MAGI2: variants seen among roughly 807,000 people sequenced by gnomAD.
The protein encoded by MAGI2 is membrane associated guanylate kinase, WW and PDZ domain containing 2, also known as membrane-associated guanylate kinase, WW and PDZ domain-containing protein 2.
A neutral mutation model predicts 133.3 loss-of-function variants in MAGI2; 35 were observed. That is an observed-to-expected ratio of 0.26 (90% CI 0.20 to 0.35). The LOEUF (loss-of-function observed/expected upper bound fraction) is 0.35. MAGI2 is among the 10% of genes least tolerant of loss of function. MAGI2 has a pLI of 1.00. For synonymous variants in MAGI2, 729 were observed against 710.6 expected (o/e 1.03, Z -0.41); for missense variants, 1,636 against 1,863.4 (o/e 0.88, Z 2.25).
chr7:78,383,965 A>T (rs1031165103), intron 6 of MAGI2, among the ~76,000 whole-genome samples: 1 of 152,082 alleles, frequency 6.6e-6, no homozygotes, highest in Non-Finnish European at 1.5e-5. Flanking sequence ...ATCCATTTTT[A>T]TACCAATACC....
chr7:78,399,170 C>T (rs1237296517), intron 6 of MAGI2, among the ~76,000 whole-genome samples: 2 of 152,046 alleles, frequency 1.3e-5, no homozygotes, highest in African/African-American at 4.8e-5. Context: ...TTGGATAACA[C>T]CAAGGAATAA....
intron 3 of MAGI2, among the ~76,000 whole-genome samples, chr7:78,603,746 C>A (rs1376948354): frequency 2.6e-5 from 4 of 152,100 alleles, no homozygotes; most frequent in African/African-American, 9.7e-5. Flanking sequence ...TGGTCTTGAA[C>A]TTGTGACCTC....
At chr7:78,705,343 G>C in intron 2 of MAGI2, among the ~76,000 whole-genome samples, 1 of 152,010 alleles carries the variant, frequency 6.6e-6, no homozygotes, top group African/African-American at 2.4e-5. Context: ...TCTTTGCCTT[G>C]TGCCATGGTT....
intron 1 of MAGI2, among the ~76,000 whole-genome samples, chr7:79,407,556 T>C (rs1386627600): frequency 6.6e-6 from 1 of 152,138 alleles, no homozygotes; most frequent in Non-Finnish European, 1.5e-5. Flanking sequence ...CCACTTCACA[T>C]TTCTGGGCTC....
chr7:78,604,166 G>GGATTT (rs1805533456), intron 3 of MAGI2, among the ~76,000 whole-genome samples: 1 of 152,110 alleles, frequency 6.6e-6, no homozygotes, highest in Non-Finnish European at 1.5e-5. Flanking sequence ...ACGATGAGTA[G>GGATTT]GATTTAAGTA....
Position 79,235,479 on chromosome 7 carries a change from C to A in MAGI2, c.301+217541G>T, listed in dbSNP as rs528412661. On this transcript the variant is annotated intron_variant, in intron 1 of 21. Transcript: ENST00000354212. ...GGCATAGGACCCTCCAAGCCAGGTGCGGGATATAATCTCGTGGTGTGCCGT... is the reference window on the plus strand; with the variant it reads ...GGCATAGGACCCTCCAAGCCAGGTGAGGGATATAATCTCGTGGTGTGCCGT... 2.6e-5 allele frequency among the ~76,000 whole-genome samples: 4 copies of A among 152,174 alleles called. 1 individual carries two copies. The South Asian group carries it at 8.3e-4, about 31-fold the overall frequency.
intron 1 of MAGI2, among the ~76,000 whole-genome samples, chr7:79,099,958 A>G (rs879647130): frequency 6.6e-6 from 1 of 152,202 alleles, no homozygotes; most frequent in Non-Finnish European, 1.5e-5. Context: ...AATTGTGTAT[A>G]TGTCCTTCTA....
rs58788674 is a variant in MAGI2 at position 78,057,977 on chromosome 7, G to GTATATATATATATATATA, written c.3706+20952_3706+20969dup. On this transcript the variant is annotated intron_variant, in intron 21 of 21. Coordinates refer to ENST00000354212, the MANE Select transcript of MAGI2 (RefSeq NM_012301.4). The stretch of plus-strand genomic sequence containing the variant: ...CCCCTCTGGCATTTTATATATATGT[G>GTATATATATATATATATA]TATATATATATATATATATATATAT... Among the ~76,000 whole-genome samples, 145 of 106,548 alleles carry GTATATATATATATATATA rather than the reference G, an allele frequency of 1.4e-3. 4 individuals carry two copies. The highest frequency in any genetic ancestry group is 2.9e-3 in the African/African-American group (86 of 29,732). The allele number at this position is 106,548 out of a possible 152,430, so 69.9% of individuals were successfully genotyped here.
At chr7:79,287,361 T>C (rs1288421139) in intron 1 of MAGI2, among the ~76,000 whole-genome samples, 1 of 152,114 alleles carries the variant, frequency 6.6e-6, no homozygotes. Context: ...TAAGATTCTC[T>C]AAGAGGGGCA....
At chr7:78,303,067 G>A (rs1344416089) in intron 9 of MAGI2, among the ~76,000 whole-genome samples, 1 of 152,122 alleles carries the variant, frequency 6.6e-6, no homozygotes, top group Non-Finnish European at 1.5e-5. Context: ...AGAATGAATA[G>A]GGCTTGGCCT....
At chr7:79,182,473 C>T (rs1826707319) in intron 1 of MAGI2, among the ~76,000 whole-genome samples, 2 of 151,934 alleles carry the variant, frequency 1.3e-5, no homozygotes, top group South Asian at 4.1e-4. Flanking sequence ...TCAACCACCT[C>T]CCACGGGGTA....
intron 6 of MAGI2, among the ~76,000 whole-genome samples, chr7:78,369,958 AATTATT>A (rs1221999032): frequency 6.6e-6 from 1 of 152,048 alleles, no homozygotes; most frequent in Non-Finnish European, 1.5e-5. Flanking sequence ...AAGGTTTTAT[AATTATT>A]AACTCCTACA....
chr7:78,946,523 G>T (rs1801431712), intron 2 of MAGI2, among the ~76,000 whole-genome samples: 1 of 152,118 alleles, frequency 6.6e-6, no homozygotes, highest in African/African-American at 2.4e-5. Context: ...AAAGCCTCTG[G>T]CTTTGACACA....
chr7:78,346,249 C>G (rs1790893717), intron 7 of MAGI2, among the ~76,000 whole-genome samples: 1 of 152,144 alleles, frequency 6.6e-6, no homozygotes, highest in Non-Finnish European at 1.5e-5. Context: ...TTCAAAGGCT[C>G]TCTCATATGT....
intron 9 of MAGI2, among the ~76,000 whole-genome samples, chr7:78,332,697 C>CAA (rs35777998): frequency 8.5e-6 from 1 of 117,326 alleles, no homozygotes; most frequent in Non-Finnish European, 1.8e-5. Flanking sequence ...GACTCCGTCT[C>CAA]AAAAAAAAAA....
chr7:78,539,289 T>A (rs573913786), intron 3 of MAGI2, among the ~76,000 whole-genome samples: 2 of 152,342 alleles, frequency 1.3e-5, no homozygotes, highest in South Asian at 4.1e-4. Flanking sequence ...TTTTTGTTTT[T>A]AATTCTGTTT....
chr7:78,139,263 A>G (rs1281993709), intron 16 of MAGI2, among the ~76,000 whole-genome samples: 2 of 152,202 alleles, frequency 1.3e-5, no homozygotes, highest in Admixed American at 6.5e-5. Flanking sequence ...ATTTACTTTA[A>G]TAAAAGCAGT....
chr7:78,328,968 G>A (rs1485905154), intron 9 of MAGI2, among the ~76,000 whole-genome samples: 3 of 152,114 alleles, frequency 2.0e-5, no homozygotes, highest in Admixed American at 1.3e-4. Flanking sequence ...ACGAAACAAA[G>A]TTCCCACTTC....
At chr7:78,734,883 G>A (rs998464992) in intron 2 of MAGI2, among the ~76,000 whole-genome samples, 4 of 152,164 alleles carry the variant, frequency 2.6e-5, no homozygotes, top group African/African-American at 7.2e-5. Flanking sequence ...GCCCAGCCTA[G>A]TTCAGTGAAC....
Sources: allele counts gnomAD v4.1 joint callset (sites outside exome capture counted in the v4.1 genomes callset), GRCh38; gene constraint gnomAD v4.1.1; transcripts MANE v1.5; gene names NCBI Gene and HGNC (gene_info 2026-07-23, HGNC 2026-07-21).